The following CACNA1D variants were observed in gnomAD, a reference collection of about 807,000 sequenced individuals.
CACNA1D encodes the protein calcium voltage-gated channel subunit alpha1 D.
In CACNA1D, 55 loss-of-function variants were observed where a neutral mutation model predicts 257.1. The ratio of observed to expected loss-of-function variants is 0.21; its 90% confidence interval spans 0.17 to 0.27. The LOEUF is 0.27. Ranked by LOEUF, CACNA1D falls within the 10% of genes least tolerant of loss-of-function variation. The pLI, the probability that CACNA1D is intolerant of heterozygous loss-of-function variation, is 1.00. For missense variants in CACNA1D, 1,876 were observed against 2,784.0 expected, an observed-to-expected ratio of 0.67 and a Z score of 7.34; for synonymous variants, 980 against 1,014.9, an observed-to-expected ratio of 0.97 and a Z score of 0.65.
intron 3 of CACNA1D, among the ~76,000 whole-genome samples, chr3:53,523,010 T>G (rs1330354235): frequency 6.6e-6 from 1 of 152,188 alleles, no homozygotes; most frequent in East Asian, 1.9e-4. Context: ...AGTGAGAACA[T>G]GCGATATTTT....
intron 3 of CACNA1D, among the ~76,000 whole-genome samples, chr3:53,520,627 A>G (rs971127435): frequency 3.3e-5 from 5 of 152,264 alleles, no homozygotes; most frequent in Admixed American, 1.3e-4. Context: ...ATAGTCAGAC[A>G]TGGTCACAGG....
intron 7 of CACNA1D, among the ~76,000 whole-genome samples, chr3:53,667,084 C>A (rs779449531): frequency 7.2e-5 from 11 of 152,160 alleles, no homozygotes; most frequent in Non-Finnish European, 1.2e-4. Context: ...TACTATAAAT[C>A]ATCCCAGCAC....
At chr3:53,558,524 G>GT (rs1295080394) in intron 3 of CACNA1D, among the ~76,000 whole-genome samples, 1 of 152,226 alleles carries the variant, frequency 6.6e-6, no homozygotes, top group Non-Finnish European at 1.5e-5. Context: ...TCCATTTCAT[G>GT]TAGGCTATCT....
At chr3:53,666,226 G>A (rs1000651090) in intron 6 of CACNA1D, 113 bp from the exon 7 acceptor site, 11 of 956,432 alleles carry the variant, frequency 1.2e-5, no homozygotes, top group South Asian at 2.6e-5. Flanking sequence ...CTGAGGCAAC[G>A]CAGATGGGGC....
chr3:53,583,473 C>G (rs2093165021), intron 3 of CACNA1D, among the ~76,000 whole-genome samples: 1 of 152,182 alleles, frequency 6.6e-6, no homozygotes, highest in Non-Finnish European at 1.5e-5. Context: ...AGTATAGAGC[C>G]AGACCCAAAT....
rs1452093526 is a variant in CACNA1D, at chr3:53,718,621, C to T, written c.1478+233C>T. The T allele has an allele frequency of 5.6e-6, 5 of 899,168 alleles. No individual in the cohort carries two copies. The Admixed American group carries it at 1.0e-4, about 18-fold the overall frequency. The allele number at this position is 899,168 out of a possible 1,614,324, so 55.7% of individuals were successfully genotyped here. A position where few individuals can be genotyped will look rare whatever the true frequency, so the allele number is the denominator to read the frequency against. Reference sequence around the variant, plus strand: ...CGGCCCAGCATTTCACATGCCTCTTCCTGTAAGTAGAGCCCGTGAAGAATG... The same window carrying T: ...CGGCCCAGCATTTCACATGCCTCTTTCTGTAAGTAGAGCCCGTGAAGAATG... On this transcript the variant is annotated intron_variant, in intron 10 of 47. Transcript: ENST00000350061.
chr3:53,592,539 G>T (rs970072999), intron 3 of CACNA1D, among the ~76,000 whole-genome samples: 1 of 152,178 alleles, frequency 6.6e-6, no homozygotes, highest in Non-Finnish European at 1.5e-5. Context: ...GTCACCTTAG[G>T]TCTCTCATGA....
chr3:53,635,303 C>T (rs893900111), intron 3 of CACNA1D, among the ~76,000 whole-genome samples: 3 of 152,214 alleles, frequency 2.0e-5, no homozygotes, highest in Non-Finnish European at 4.4e-5. Flanking sequence ...TGGCCCAGGA[C>T]TTCACATTCC....
At chr3:53,541,302 G>A (rs936446425) in intron 3 of CACNA1D, among the ~76,000 whole-genome samples, 3 of 152,148 alleles carry the variant, frequency 2.0e-5, no homozygotes, top group African/African-American at 4.8e-5. Context: ...AAATTATCTG[G>A]ATATGAAGTA....
chr3:53,811,461 G>A lies in CACNA1D; in HGVS notation c.*55G>A, dbSNP rs1025783462. 1.2e-4 allele frequency: 171 copies of A among 1,431,732 alleles called. 1 individual carries two copies. Among genetic ancestry groups the A allele is most frequent in the Admixed American group, 1.5e-4 (6 of 39,648 alleles). The allele number at this position is 1,431,732 out of a possible 1,614,324, so 88.7% of individuals were successfully genotyped here. ...CTCAGGTGGGGCGCAGGAGAGCCAGGGGAAAAGTGCCTCATAGTTAGGAAA... is the reference window on the plus strand; with the variant it reads ...CTCAGGTGGGGCGCAGGAGAGCCAGAGGAAAAGTGCCTCATAGTTAGGAAA... On this transcript the variant is annotated 3_prime_UTR_variant, in exon 48 of 48. Coordinates refer to ENST00000350061, the MANE Select transcript of CACNA1D (RefSeq NM_001128840.3). This position sits in a 1 kb window ranked among gnomAD's most constrained non-coding sequence, Gnocchi z 4.2.
At chr3:53,692,563 G>A (rs1338431412) in intron 8 of CACNA1D, among the ~76,000 whole-genome samples, 1 of 152,194 alleles carries the variant, frequency 6.6e-6, no homozygotes, top group Admixed American at 6.5e-5. Flanking sequence ...GCACTCTCCT[G>A]CTCAGGGTAA....
intron 3 of CACNA1D, among the ~76,000 whole-genome samples, chr3:53,511,378 A>C (rs1433698076): frequency 6.6e-6 from 1 of 152,186 alleles, no homozygotes; most frequent in Non-Finnish European, 1.5e-5. Flanking sequence ...ACATCCTGAC[A>C]CACAGGGTTT....
intron 3 of CACNA1D, among the ~76,000 whole-genome samples, chr3:53,606,576 G>C (rs1451888453): frequency 9.2e-5 from 14 of 152,184 alleles, no homozygotes; most frequent in Non-Finnish European, 4.4e-5. Context: ...GCAGGCCAAG[G>C]GCTGTGGGCT....
Position 53,811,496 on chromosome 3 carries a change from C to A in CACNA1D, c.*90C>A. 1.9e-6 allele frequency: 2 copies of A among 1,051,106 alleles called. No homozygotes were observed. The highest frequency in any genetic ancestry group is 2.7e-6 in the Non-Finnish European group (2 of 737,350). 65.1% of individuals were successfully genotyped at this position (1,051,106 alleles called of 1,614,324 possible). ...CCTCATAGTTAGGAAAGTTTAGGCA[C>A]TAGTTGGGAGTAATATTCAATTAAT... is the stretch of plus-strand genomic sequence containing the variant. On this transcript the variant is annotated 3_prime_UTR_variant, in exon 48 of 48. Coordinates refer to ENST00000350061, the MANE Select transcript of CACNA1D (RefSeq NM_001128840.3). This position sits in a 1 kb window ranked among gnomAD's most constrained non-coding sequence, Gnocchi z 4.2.
chr3:53,646,097 C>T (rs1401492), intron 3 of CACNA1D, among the ~76,000 whole-genome samples: 5,566 of 152,174 alleles, frequency 0.037, 136 homozygotes, highest in East Asian at 0.074. Flanking sequence ...AAAGCAGGGA[C>T]GGCAAAGACA....
In CACNA1D at chr3:53,702,765, G is replaced by A. The variant is rs768158230; in HGVS notation, c.1345G>A (p.Asp449Asn). ...TTGGATCACCCAAGCTGAGGACATC[G>A]ATCCGGAGAATGAGGAAGAAGGAGG... The part of the protein sequence containing the change: ...LDWITQAEDI[D>N]PENEEEGGEE... Residue 449 changes from aspartate to asparagine, a missense_variant, in exon 9 of 48, where the codon GAT becomes AAT. Asp to Asn is a conservative substitution (Grantham distance 23). Coordinates refer to ENST00000350061, the MANE Select transcript of CACNA1D (RefSeq NM_001128840.3). 4.3e-6 allele frequency: 7 copies of A among 1,614,238 alleles called. No homozygotes were observed. Among genetic ancestry groups the A allele is most frequent in the Middle Eastern group, 1.6e-4 (1 of 6,062 alleles).
At chr3:53,509,502 C>T (rs2107223204) in intron 3 of CACNA1D, among the ~76,000 whole-genome samples, 1 of 152,316 alleles carries the variant, frequency 6.6e-6, no homozygotes, top group African/African-American at 2.4e-5. Context: ...TTTTTTCCTT[C>T]CTCCCTGTTA....
intron 3 of CACNA1D, among the ~76,000 whole-genome samples, chr3:53,554,597 AC>A (rs768130576): frequency 5.7e-4 from 87 of 152,310 alleles, no homozygotes; most frequent in Admixed American, 1.6e-3. Context: ...TTTTTCAAAT[AC>A]ATTCCGCTTC....
chr3:53,531,293 C>T (rs923617175), intron 3 of CACNA1D, among the ~76,000 whole-genome samples: 8 of 151,910 alleles, frequency 5.3e-5, no homozygotes, highest in Admixed American at 2.0e-4. Flanking sequence ...AAGAATAATG[C>T]GTTTGGAATT....
Sources: gnomAD v4.1 joint callset for allele counts (sites outside exome capture counted in the v4.1 genomes callset) on GRCh38, gnomAD v4.1.1 for gene constraint, Gnocchi (gnomAD v3.1) non-coding constraint, MANE v1.5 for transcripts, NCBI Gene and HGNC (gene_info 2026-07-23, HGNC 2026-07-21) for gene names.